The following PIK3CD variants were observed in gnomAD, a reference collection of about 807,000 sequenced individuals.
PIK3CD encodes the protein phosphatidylinositol-4,5-bisphosphate 3-kinase catalytic subunit delta.
PIK3CD carries 20 observed loss-of-function variants against 122.9 expected under a neutral mutation model. The ratio of observed to expected loss-of-function variants is 0.16; its 90% CI spans 0.11 to 0.24. The LOEUF (loss-of-function observed/expected upper bound fraction) is 0.24, where lower values mean the gene tolerates loss of function less well. PIK3CD is among the 10% of genes least tolerant of loss of function. The pLI, the probability that PIK3CD is intolerant of heterozygous loss-of-function variation, is 1.00. For missense variants in PIK3CD, 787 were observed against 1,406.3 expected (o/e 0.56, Z 7.04); for synonymous variants, 596 against 593.4 (o/e 1.00, Z -0.06).
intron 1 of PIK3CD, among the ~76,000 whole-genome samples, chr1:9,679,357 C>T (rs890354392): frequency 3.2e-4 from 49 of 151,912 alleles, no homozygotes; most frequent in African/African-American, 1.1e-3. Context: ...CGTGAGCCAC[C>T]GCGCCTGGTC....
Position 9,722,726 on chromosome 1 carries a change from A to AG in PIK3CD, c.2426+122dup, listed in dbSNP as rs1452486628. 4 of 883,920 alleles carry AG rather than the reference A, an allele frequency of 4.5e-6. No homozygotes were observed. Among genetic ancestry groups the AG allele is most frequent in the Non-Finnish European group, 7.4e-6 (4 of 538,852 alleles). The allele number at this position is 883,920 out of a possible 1,614,324, so 54.8% of individuals were successfully genotyped here. Reference sequence around the variant, plus strand: ...TCTCAGCCGGGGAAAGGGCTTTCCTAGGAAGACCCGGAGGCGGTTTAACTC... The same window carrying AG: ...TCTCAGCCGGGGAAAGGGCTTTCCTAGGGAAGACCCGGAGGCGGTTTAACTC... On this transcript the variant is annotated intron_variant, in intron 19 of 23. Coordinates refer to ENST00000377346, the MANE Select transcript of PIK3CD (RefSeq NM_005026.5). The surrounding 1 kb of genome is among the most constrained non-coding windows in gnomAD (Gnocchi z 7.6).
chr1:9,710,605 T>C lies in PIK3CD; in HGVS notation c.141+9T>C, dbSNP rs1266482338. On this transcript the variant is annotated intron_variant, in intron 3 of 23. Transcript: ENST00000377346. The surrounding 1 kb of genome is among the most constrained non-coding windows in gnomAD (Gnocchi z 4.7). Reference sequence around the variant, plus strand: ...TCAGCACCATCAAGCAGGTATGGCCTCCATCCGGTCCTCAGACCTTGGTGC... The same window carrying C: ...TCAGCACCATCAAGCAGGTATGGCCCCCATCCGGTCCTCAGACCTTGGTGC... 6.2e-7 allele frequency: 1 copy of C among 1,613,170 alleles called. No individual in the cohort carries two copies. The highest frequency in any genetic ancestry group is 1.7e-5 in the Admixed American group (1 of 59,896).
chr1:9,640,924 C>T, the PIK3CD span, among the ~76,000 whole-genome samples: 1 of 152,152 alleles, frequency 6.6e-6, no homozygotes, highest in Non-Finnish European at 1.5e-5. Context: ...GCCTGCGATG[C>T]TCTGGCCTTC....
At chr1:9,685,279 G>A (rs12022504) in intron 1 of PIK3CD, among the ~76,000 whole-genome samples, 21,690 of 152,112 alleles carry the variant, frequency 0.14, 1,934 homozygotes, top group South Asian at 0.25. Context: ...AGAATTAAAA[G>A]CAAACATGTA....
In PIK3CD at chr1:9,724,735, T is replaced by A; in HGVS notation, c.2865-69T>A. On this transcript the variant is annotated intron_variant, in intron 22 of 23. Coordinates refer to ENST00000377346, the MANE Select transcript of PIK3CD (RefSeq NM_005026.5). The surrounding 1 kb of genome is among the most constrained non-coding windows in gnomAD (Gnocchi z 7.3). ...GTCCTTGGGGAAGGGGCTGGTTGGA[T>A]GCAGAGCGGCCCTCTGGCCTGTGGC... 1 of 1,599,256 alleles carries A rather than the reference T, an allele frequency of 6.3e-7. No individual in the cohort carries two copies. Among genetic ancestry groups the A allele is most frequent in the Non-Finnish European group, 8.6e-7 (1 of 1,168,816 alleles).
the PIK3CD span, among the ~76,000 whole-genome samples, chr1:9,628,044 T>C: frequency 6.7e-6 from 1 of 149,994 alleles, no homozygotes; most frequent in African/African-American, 2.5e-5. Flanking sequence ...GCGAGACGCC[T>C]GTAGTCCCAG....
In PIK3CD at chr1:9,720,355, G is replaced by A; in HGVS notation, c.1470+113G>A. The stretch of plus-strand genomic sequence containing the variant: ...TGGCCACGTCGGGGCTGGGCTACCA[G>A]GCATATCTGGGGCCTTCCCAGGGGC... On this transcript the variant is annotated intron_variant, in intron 11 of 23. Coordinates refer to ENST00000377346, the MANE Select transcript of PIK3CD (RefSeq NM_005026.5). This position sits in a 1 kb window ranked among gnomAD's most constrained non-coding sequence, Gnocchi z 9.0. The A allele has an allele frequency of 7.1e-7, 1 of 1,418,344 alleles. No individual in the cohort carries two copies. The highest frequency in any genetic ancestry group is 9.5e-7 in the Non-Finnish European group (1 of 1,056,030). 87.9% of individuals were successfully genotyped at this position (1,418,344 alleles called of 1,614,324 possible).
intron 2 of PIK3CD, among the ~76,000 whole-genome samples, chr1:9,692,741 TAAATA>T (rs1290185292): frequency 6.6e-6 from 1 of 151,918 alleles, no homozygotes; most frequent in Non-Finnish European, 1.5e-5. Flanking sequence ...AAAAAATAAA[TAAATA>T]AAATAAATCA....
chr1:9,698,051 A>G (rs1207247929), intron 2 of PIK3CD, among the ~76,000 whole-genome samples: 2 of 152,206 alleles, frequency 1.3e-5, no homozygotes, highest in Non-Finnish European at 2.9e-5. Flanking sequence ...AAGAAGAAAA[A>G]AGAAAGAAAA....
At chr1:9,630,286 A>G in the PIK3CD span, among the ~76,000 whole-genome samples, 2 of 152,138 alleles carry the variant, frequency 1.3e-5, no homozygotes, top group Non-Finnish European at 2.9e-5. Context: ...CTGCAGGGTC[A>G]CTCGGTGTCA....
intron 3 of PIK3CD, among the ~76,000 whole-genome samples, chr1:9,714,745 G>T (rs1200265205): frequency 6.6e-6 from 1 of 152,110 alleles, no homozygotes; most frequent in South Asian, 2.1e-4. Flanking sequence ...GTGACTCAGT[G>T]GTGAACACCT....
chr1:9,653,127 AT>A (rs1644729794), intron 1 of PIK3CD: 2 of 152,018 alleles, frequency 1.3e-5, no homozygotes, highest in Admixed American at 1.3e-4. Context: ...AGGGGCAATT[AT>A]TCCTCTCTCA....
intron 1 of PIK3CD, among the ~76,000 whole-genome samples, chr1:9,685,051 T>G (rs954312790): frequency 2.0e-5 from 3 of 151,968 alleles, no homozygotes; most frequent in African/African-American, 7.3e-5. Flanking sequence ...CTAATTAACT[T>G]TGCTTTTTAA....
intron 3 of PIK3CD, among the ~76,000 whole-genome samples, chr1:9,712,352 C>T (rs1449676937): frequency 6.6e-6 from 1 of 151,906 alleles, no homozygotes; most frequent in East Asian, 1.9e-4. Flanking sequence ...GTGATCTTGG[C>T]TCACTGCAAC....
At chr1:9,667,415 G>C (rs1198720803) in intron 1 of PIK3CD, among the ~76,000 whole-genome samples, 1 of 149,590 alleles carries the variant, frequency 6.7e-6, no homozygotes, top group African/African-American at 2.5e-5. Flanking sequence ...CTCACTCTGT[G>C]GTCCAGGCTG....
At chr1:9,663,691 G>A (rs183876268) in intron 1 of PIK3CD, among the ~76,000 whole-genome samples, 6 of 151,562 alleles carry the variant, frequency 4.0e-5, no homozygotes, top group Admixed American at 6.6e-5. Flanking sequence ...CCATTAACTC[G>A]TTATTTACAT....
rs767288604 is a variant in PIK3CD, at chr1:9,722,782, G to A, written c.2426+176G>A. ...CAGGAGGCGGCGGGCAGCAGGATGC[G>A]TGAAGGCTGCTCCTGAGGCTTAGTG... On this transcript the variant is annotated intron_variant, in intron 19 of 23. Transcript: ENST00000377346. This position sits in a 1 kb window ranked among gnomAD's most constrained non-coding sequence, Gnocchi z 7.6. Among the ~76,000 whole-genome samples the A allele has an allele frequency of 2.0e-5, 3 of 152,122 alleles. No homozygotes were observed. The highest frequency in any genetic ancestry group is 2.9e-5 in the Non-Finnish European group (2 of 67,996).
intron 1 of PIK3CD, among the ~76,000 whole-genome samples, chr1:9,683,325 C>T (rs1645838999): frequency 6.6e-6 from 1 of 151,432 alleles, no homozygotes; most frequent in South Asian, 2.1e-4. Flanking sequence ...GTAGTCCCAG[C>T]TACTCGGGAG....
chr1:9,663,572 A>T (rs1168439722), intron 1 of PIK3CD, among the ~76,000 whole-genome samples: 1 of 146,078 alleles, frequency 6.8e-6, no homozygotes, highest in Non-Finnish European at 1.5e-5. Flanking sequence ...TTATTTTTTT[A>T]TTTTTATTTT....
Sources: allele counts gnomAD v4.1 joint callset (sites outside exome capture counted in the v4.1 genomes callset), GRCh38; gene constraint gnomAD v4.1.1; non-coding constraint Gnocchi (gnomAD v3.1); transcripts MANE v1.5; gene names NCBI Gene and HGNC (gene_info 2026-07-23, HGNC 2026-07-21).